Variants in PHF20 observed in about 807,000 individuals in gnomAD.
PHF20 encodes PHD finger protein 20.
In PHF20, 23 loss-of-function variants were observed where a neutral mutation model predicts 113.5. That is an observed-to-expected ratio of 0.20 (90% CI 0.15 to 0.29). PHF20 has a LOEUF of 0.29. Among genes scored for constraint, PHF20 ranks in the 10% least tolerant of loss-of-function variants. PHF20 has a pLI of 1.00. For synonymous variants in PHF20, 434 were observed against 457.3 expected, an observed-to-expected ratio of 0.95 and a Z score of 0.65; for missense variants, 943 against 1,219.6, an observed-to-expected ratio of 0.77 and a Z score of 3.38.
chr20:35,807,934 C>T (rs891365573), intron 2 of PHF20, among the ~76,000 whole-genome samples: 2 of 151,872 alleles, frequency 1.3e-5, no homozygotes, highest in Admixed American at 6.6e-5. Flanking sequence ...TAAAATGATA[C>T]ATTGTGATTT....
At chr20:35,873,458 G>GTTTTTTTTTTT (rs1400135809) in intron 9 of PHF20, among the ~76,000 whole-genome samples, 2 of 114,562 alleles carry the variant, frequency 1.7e-5, no homozygotes, top group African/African-American at 3.4e-5. Context: ...TGTTTTGTCT[G>GTTTTTTTTTTT]TTTTTTTGTT....
intron 1 of PHF20, among the ~76,000 whole-genome samples, chr20:35,777,216 A>G (rs1171123219): frequency 6.6e-6 from 1 of 152,156 alleles, no homozygotes; most frequent in Non-Finnish European, 1.5e-5. Flanking sequence ...CCCCGTATTT[A>G]CTTGTCAGTT....
intron 10 of PHF20, among the ~76,000 whole-genome samples, chr20:35,908,362 A>C (rs1008144732): frequency 6.6e-6 from 1 of 152,238 alleles, no homozygotes; most frequent in African/African-American, 2.4e-5. Context: ...ACAAATGACC[A>C]CTATCTTTAG....
intron 1 of PHF20, chr20:35,782,669 T>C (rs1467235695): frequency 6.6e-6 from 1 of 152,212 alleles, no homozygotes; most frequent in Non-Finnish European, 1.5e-5. Flanking sequence ...AGTGCCTGTA[T>C]TTGCCACTCT....
At chr20:35,775,407 A>G (rs997697426) in intron 1 of PHF20, among the ~76,000 whole-genome samples, 2 of 152,128 alleles carry the variant, frequency 1.3e-5, no homozygotes, top group African/African-American at 4.8e-5. Context: ...ACAAGGCCAT[A>G]GTCCCCTTTA....
At chr20:35,822,200 G>T (rs1490187747) in intron 2 of PHF20, among the ~76,000 whole-genome samples, 1 of 151,958 alleles carries the variant, frequency 6.6e-6, no homozygotes, top group East Asian at 1.9e-4. Context: ...TCCCAAGATC[G>T]AGACCAACCT....
At chr20:35,882,460 C>G (rs929222807) in intron 9 of PHF20, among the ~76,000 whole-genome samples, 1 of 152,142 alleles carries the variant, frequency 6.6e-6, no homozygotes, top group African/African-American at 2.4e-5. Context: ...AAGGGTTTTG[C>G]TCTGTCATCC....
intron 1 of PHF20, among the ~76,000 whole-genome samples, chr20:35,773,154 C>T (rs192600482): frequency 1.1e-4 from 16 of 152,278 alleles, no homozygotes; most frequent in Admixed American, 8.5e-4. Flanking sequence ...CCCAAATGTA[C>T]GAGGTGAACC....
intron 1 of PHF20, among the ~76,000 whole-genome samples, chr20:35,792,922 C>T (rs779930451): frequency 6.6e-6 from 1 of 151,172 alleles, no homozygotes; most frequent in Non-Finnish European, 1.5e-5. Context: ...TTTTTCTTGT[C>T]GTCGCTCAGC....
At chr20:35,868,815 G>T (rs1275075448) in intron 6 of PHF20, among the ~76,000 whole-genome samples, 1 of 152,124 alleles carries the variant, frequency 6.6e-6, no homozygotes, top group Non-Finnish European at 1.5e-5. Flanking sequence ...TCTCGGCTGG[G>T]TCTCATGGCT....
intron 1 of PHF20, among the ~76,000 whole-genome samples, chr20:35,786,673 G>A (rs2041423889): frequency 6.6e-6 from 1 of 152,152 alleles, no homozygotes; most frequent in African/African-American, 2.4e-5. Flanking sequence ...CTGCACTCTA[G>A]CTTGGCGACA....
At chr20:35,780,221 CTTTTTTTT>C (rs930285446) in intron 1 of PHF20, among the ~76,000 whole-genome samples, 1 of 123,280 alleles carries the variant, frequency 8.1e-6, no homozygotes, top group Non-Finnish European at 1.7e-5. Context: ...CCCCAGATTT[CTTTTTTTT>C]TTTTTTTTTT....
intron 1 of PHF20, among the ~76,000 whole-genome samples, chr20:35,792,338 C>T (rs2041573882): frequency 6.6e-6 from 1 of 151,906 alleles, no homozygotes; most frequent in Admixed American, 6.6e-5. Flanking sequence ...CAGGCACCTG[C>T]CACCACGCCC....
chr20:35,796,345 T>C (rs6121048), intron 1 of PHF20, among the ~76,000 whole-genome samples: 1,848 of 152,320 alleles, frequency 0.012, 26 homozygotes, highest in African/African-American at 0.042. Flanking sequence ...TGTTTTTTAA[T>C]GGATGAACTA....
At chr20:35,905,283 G>A (rs1015330677) in intron 10 of PHF20, among the ~76,000 whole-genome samples, 9 of 152,200 alleles carry the variant, frequency 5.9e-5, no homozygotes, top group Non-Finnish European at 1.3e-4. Flanking sequence ...TTTGCCTGTA[G>A]GGTAGGAGCT....
intron 15 of PHF20, among the ~76,000 whole-genome samples, chr20:35,932,234 AT>A (rs763826911): frequency 3.3e-5 from 5 of 151,134 alleles, no homozygotes; most frequent in Admixed American, 2.6e-4. Flanking sequence ...TGCCTGGCTA[AT>A]TTTTTGTGTT....
chr20:35,899,772 A>G, intron 10 of PHF20, 124 bp downstream of exon 10: 8 of 1,002,206 alleles, frequency 8.0e-6, no homozygotes, highest in Non-Finnish European at 1.0e-5. Context: ...ACAGGACTGA[A>G]CATATTAAGT....
At chr20:35,913,909 G>A in intron 11 of PHF20, 124 bp from the exon 12 acceptor site, 1 of 855,030 alleles carries the variant, frequency 1.2e-6, no homozygotes, top group South Asian at 1.7e-5. Flanking sequence ...ACCTCTTTTT[G>A]GTTGAATTGT....
intron 1 of PHF20, among the ~76,000 whole-genome samples, chr20:35,773,600 A>G (rs145177409): frequency 6.6e-6 from 1 of 152,244 alleles, no homozygotes; most frequent in East Asian, 1.9e-4. Context: ...TTCCGCTAGC[A>G]GGATCTCTTC....
Sources: gnomAD v4.1 joint callset for allele counts (sites outside exome capture counted in the v4.1 genomes callset) on GRCh38, gnomAD v4.1.1 for gene constraint, MANE v1.5 for transcripts, NCBI Gene and HGNC (gene_info 2026-07-23, HGNC 2026-07-21) for gene names.